The following RPGRIP1 variants were observed in gnomAD, a reference collection of about 807,000 sequenced individuals.
RPGRIP1 encodes the protein RPGR interacting protein 1, also known as X-linked retinitis pigmentosa GTPase regulator-interacting protein 1.
In RPGRIP1, 128 loss-of-function variants were observed where a neutral mutation model predicts 157.9. That is an observed-to-expected ratio of 0.81 (90% CI 0.70 to 0.94). RPGRIP1 has a LOEUF of 0.94. Among genes scored for constraint, RPGRIP1 ranks in the 40% least tolerant of loss-of-function variants. The probability of loss-of-function intolerance (pLI) is 0.00; values close to 1 mark genes in which losing one functional copy is unlikely to be tolerated. For synonymous variants in RPGRIP1, 554 were observed against 571.6 expected (o/e 0.97, Z 0.44); for missense variants, 1,486 against 1,545.8 (o/e 0.96, Z 0.65).
chr14:21,337,753 A>AT (rs60322777), intron 21 of RPGRIP1, among the ~76,000 whole-genome samples: 2,105 of 98,296 alleles, frequency 0.021, 70 homozygotes, highest in Non-Finnish European at 0.027. Context: ...TAGGTTAAGC[A>AT]TTTTTTTTTT....
chr14:21,330,454 A>C, intron 20 of RPGRIP1, 67 bp downstream of exon 20: 1 of 1,178,304 alleles, frequency 8.5e-7, no homozygotes, highest in Non-Finnish European at 1.1e-6. Context: ...AGATCACGAG[A>C]TCAGGCTTTC....
chr14:21,284,034 C>T lies in RPGRIP1; in HGVS notation c.-39+3875C>T, dbSNP rs570256066. Among the ~76,000 whole-genome samples, 13 of 152,218 alleles carry T rather than the reference C, an allele frequency of 8.5e-5. No homozygotes were observed. In the East Asian group the frequency reaches 1.7e-3, roughly 20 times the overall value. On this transcript the variant is annotated intron_variant, in intron 1 of 24. Transcript: ENST00000400017. ...GGCATGCTATGAAATCTGTATAGAT[C>T]TATTTAAGACTATGACATTGGAAAG...
intron 7 of RPGRIP1, among the ~76,000 whole-genome samples, chr14:21,309,259 C>T (rs982455888): frequency 1.3e-5 from 2 of 152,114 alleles, no homozygotes; most frequent in African/African-American, 2.4e-5. Context: ...AGCCTGTAAT[C>T]CCAGCACTTT....
At chr14:21,333,631 C>G (rs907351807) in intron 20 of RPGRIP1, among the ~76,000 whole-genome samples, 7 of 152,176 alleles carry the variant, frequency 4.6e-5, no homozygotes, top group Non-Finnish European at 7.3e-5. Flanking sequence ...TGCAAGATAG[C>G]TCACCCTACT....
At chr14:21,341,651 T>C (rs1484439575) in intron 21 of RPGRIP1, among the ~76,000 whole-genome samples, 1 of 152,112 alleles carries the variant, frequency 6.6e-6, no homozygotes, top group Non-Finnish European at 1.5e-5. Context: ...CTGTTGGCCT[T>C]GGTGTACTTC....
At chr14:21,307,697 T>C (rs374680241) in intron 6 of RPGRIP1, 34 bp from the exon 7 acceptor site, 1 of 1,315,976 alleles carries the variant, frequency 7.6e-7, no homozygotes, top group African/African-American at 1.5e-5. Flanking sequence ...TCTATCCATG[T>C]TCAGACAGAA....
In RPGRIP1 at chr14:21,325,217, C is replaced by G. The variant is rs369733277; in HGVS notation, c.2216-15C>G. On this transcript the variant is annotated splice_polypyrimidine_tract_variant and intron_variant, in intron 15 of 24. Transcript: ENST00000400017. Reference sequence around the variant, plus strand: ...CATCTGTATTCCCCCTGCTTTCACACTTTCTGCTACCCAGGAGCTGGTGGA... The same window carrying G: ...CATCTGTATTCCCCCTGCTTTCACAGTTTCTGCTACCCAGGAGCTGGTGGA... 6.3e-7 allele frequency: 1 copy of G among 1,590,874 alleles called. No homozygotes were observed. Among genetic ancestry groups the G allele is most frequent in the African/African-American group, 1.4e-5 (1 of 73,658 alleles).
Position 21,350,391 on chromosome 14 carries a change from A to AAAAAC in RPGRIP1, c.3749-709_3749-708insCAAAA, listed in dbSNP as rs1555307775. Among the ~76,000 whole-genome samples the AAAAAC allele has an allele frequency of 4.1e-4, 59 of 142,794 alleles. 6 individuals carry two copies. Among genetic ancestry groups the AAAAAC allele is most frequent in the African/African-American group, 1.1e-3 (43 of 37,984 alleles). The allele number at this position is 142,794 out of a possible 152,430, so 93.7% of individuals were successfully genotyped here. On this transcript the variant is annotated intron_variant, in intron 24 of 24. Coordinates refer to ENST00000400017, the MANE Select transcript of RPGRIP1 (RefSeq NM_020366.4). ...ACTCTGTCTCCAAAAAAAAAAAAAA[A>AAAAAC]AAAAAGAAAACAGGAATTAAGAGTA...
intron 3 of RPGRIP1, among the ~76,000 whole-genome samples, chr14:21,295,288 C>T: frequency 6.6e-6 from 1 of 151,948 alleles, no homozygotes; most frequent in Non-Finnish European, 1.5e-5. Context: ...ACAGGTTCCT[C>T]CCCTGGTCAC....
chr14:21,321,152 T>G, intron 12 of RPGRIP1, 107 bp from the exon 13 acceptor site: 6 of 1,169,902 alleles, frequency 5.1e-6, no homozygotes, highest in Non-Finnish European at 7.1e-6. Flanking sequence ...TTGGAGTAGT[T>G]TCTGCTGCTG....
rs10162387 is a variant in RPGRIP1 at position 21,332,337 on chromosome 14, T to C, written c.3238+1950T>C. Among the ~76,000 whole-genome samples, 459 of 152,338 alleles carry C rather than the reference T, an allele frequency of 3.0e-3. 2 individuals are homozygous for C. Among genetic ancestry groups the C allele is most frequent in the African/African-American group, 0.011 (450 of 41,572 alleles). ...CTCATGAGAAGGATAATTTTTCTAT[T>C]GATTATGTAATCTGATTTCTCCGTC... On this transcript the variant is annotated intron_variant, in intron 20 of 24. Coordinates refer to ENST00000400017, the MANE Select transcript of RPGRIP1 (RefSeq NM_020366.4).
chr14:21,307,923 G>GA, intron 7 of RPGRIP1, 87 bp downstream of exon 7: 1 of 722,172 alleles, frequency 1.4e-6, no homozygotes, highest in East Asian at 2.9e-5. Context: ...TTAAATATGA[G>GA]AAGCCACAAT....
At chr14:21,324,536 A>T (rs764899831) in intron 14 of RPGRIP1, 82 bp from the exon 15 acceptor site, 3 of 1,148,776 alleles carry the variant, frequency 2.6e-6, no homozygotes, top group African/African-American at 1.5e-5. Context: ...CATGTGTTTT[A>T]TATTTCTTTT....
intron 21 of RPGRIP1, among the ~76,000 whole-genome samples, chr14:21,340,326 G>A (rs1354019604): frequency 2.0e-5 from 3 of 152,184 alleles, no homozygotes; most frequent in Non-Finnish European, 4.4e-5. Context: ...CAGACATTAT[G>A]CCAGGCATTG....
At chr14:21,307,128 C>T (rs977447770) in intron 6 of RPGRIP1, among the ~76,000 whole-genome samples, 2 of 152,142 alleles carry the variant, frequency 1.3e-5, no homozygotes, top group African/African-American at 4.8e-5. Context: ...CTGATTTCAG[C>T]TCACTGCAAC....
At chr14:21,321,679 C>G (rs1882489729) in intron 13 of RPGRIP1, among the ~76,000 whole-genome samples, 175 bp from the exon 14 acceptor site, 1 of 152,174 alleles carries the variant, frequency 6.6e-6, no homozygotes, top group Non-Finnish European at 1.5e-5. Flanking sequence ...CACCCTACCT[C>G]AATGATAGCA....
At chr14:21,325,150 T>G (rs747080845) in intron 15 of RPGRIP1, 80 bp downstream of exon 15, 160 of 1,539,546 alleles carry the variant, frequency 1.0e-4, no homozygotes, top group Admixed American at 4.2e-4. Context: ...TCTGGTGGTT[T>G]CTTATTTTCT....
At chr14:21,283,833 T>C (rs928099694) in intron 1 of RPGRIP1, among the ~76,000 whole-genome samples, 20 of 150,942 alleles carry the variant, frequency 1.3e-4, no homozygotes, top group African/African-American at 4.6e-4. Flanking sequence ...ACTTTTGTCA[T>C]GTGGCTGGGC....
At chr14:21,286,571 G>C (rs1031222840) in intron 1 of RPGRIP1, among the ~76,000 whole-genome samples, 1 of 151,876 alleles carries the variant, frequency 6.6e-6, no homozygotes, top group Non-Finnish European at 1.5e-5. Context: ...GAGGCAGGCA[G>C]ATCACCTGAG....
Sources: gnomAD v4.1 joint callset for allele counts (sites outside exome capture counted in the v4.1 genomes callset) on GRCh38, gnomAD v4.1.1 for gene constraint, MANE v1.5 for transcripts, NCBI Gene and HGNC (gene_info 2026-07-23, HGNC 2026-07-21) for gene names.